Variants in LYPLAL1 observed in about 807,000 individuals in gnomAD.
The protein encoded by LYPLAL1 is lysophospholipase-like protein 1.
A neutral mutation model predicts 19.7 loss-of-function variants in LYPLAL1; 23 were observed. The ratio of observed to expected loss-of-function variants is 1.17; its 90% CI spans 0.84 to 1.65. The LOEUF (loss-of-function observed/expected upper bound fraction) is 1.65. Ranked by LOEUF, LYPLAL1 falls within the 40% of genes most tolerant of loss-of-function variation. The pLI is 0.00. For synonymous variants in LYPLAL1, 119 were observed against 96.3 expected, an observed-to-expected ratio of 1.24 and a Z score of -1.38; for missense variants, 355 against 279.4, an observed-to-expected ratio of 1.27 and a Z score of -1.93.
chr1:219,223,708 A>G, the LYPLAL1 span, among the ~76,000 whole-genome samples: 5 of 152,268 alleles, frequency 3.3e-5, no homozygotes, highest in East Asian at 1.9e-4. Flanking sequence ...GTTTTTGCCA[A>G]TAGTTTGGTT....
At chr1:219,249,881 C>A in the LYPLAL1 span, among the ~76,000 whole-genome samples, 70,640 of 151,712 alleles carry the variant, frequency 0.47, 16,814 homozygotes, top group East Asian at 0.66. Context: ...TTCCCATTTG[C>A]TTTTTGTTTG....
chr1:219,179,146 G>C lies in LYPLAL1; in HGVS notation c.92-1G>C, dbSNP rs776454725. Reference sequence around the variant, plus strand: ...TTAATCTAGATTTTTTGATTCATCAGGTGATTCTGGACAAGGATTAAGAAT... The same window carrying C: ...TTAATCTAGATTTTTTGATTCATCACGTGATTCTGGACAAGGATTAAGAAT... On this transcript the variant is annotated splice_acceptor_variant, in intron 1 of 4. Coordinates refer to ENST00000366928, the MANE Select transcript of LYPLAL1 (RefSeq NM_138794.5). LOFTEE classifies it high-confidence loss of function. 10 of 1,596,308 alleles carry C rather than the reference G, an allele frequency of 6.3e-6. No individual in the cohort carries two copies. The highest frequency in any genetic ancestry group is 8.5e-6 in the Non-Finnish European group (10 of 1,171,742).
the LYPLAL1 span, among the ~76,000 whole-genome samples, chr1:219,385,319 T>C: frequency 6.6e-6 from 1 of 152,288 alleles, no homozygotes; most frequent in Non-Finnish European, 1.5e-5. Context: ...GGCTGCTTCT[T>C]GCAGTTCCTC....
the LYPLAL1 span, among the ~76,000 whole-genome samples, chr1:219,361,433 T>C: frequency 6.6e-6 from 1 of 152,156 alleles, no homozygotes; most frequent in Non-Finnish European, 1.5e-5. Context: ...GGAACAGCTA[T>C]ATTTGCTAGG....
chr1:219,369,547 T>C, the LYPLAL1 span, among the ~76,000 whole-genome samples: 3 of 152,246 alleles, frequency 2.0e-5, no homozygotes, highest in Non-Finnish European at 4.4e-5. Context: ...GCTGGGATTA[T>C]GGGCGTGAGC....
the LYPLAL1 span, among the ~76,000 whole-genome samples, chr1:219,398,157 T>C: frequency 3.3e-5 from 5 of 152,210 alleles, no homozygotes; most frequent in Non-Finnish European, 7.3e-5. Flanking sequence ...TGCAAGTTGC[T>C]TATTCTCTCC....
chr1:219,412,530 A>T, the LYPLAL1 span, among the ~76,000 whole-genome samples: 114 of 152,354 alleles, frequency 7.5e-4, 1 homozygote, highest in Admixed American at 2.2e-3. Flanking sequence ...GCATAGCATG[A>T]TACCTGTCAC....
chr1:219,234,757 G>A, the LYPLAL1 span, among the ~76,000 whole-genome samples: 2 of 151,960 alleles, frequency 1.3e-5, no homozygotes, highest in Admixed American at 6.5e-5. Flanking sequence ...ATAACATAAC[G>A]TGATTGCTGA....
chr1:219,390,667 G>T, the LYPLAL1 span, among the ~76,000 whole-genome samples: 1 of 152,098 alleles, frequency 6.6e-6, no homozygotes, highest in African/African-American at 2.4e-5. Flanking sequence ...TTACATCTCT[G>T]CATATTTCCC....
the LYPLAL1 span, among the ~76,000 whole-genome samples, chr1:219,242,678 A>G: frequency 6.6e-6 from 1 of 151,792 alleles, no homozygotes; most frequent in Admixed American, 6.6e-5. Flanking sequence ...ATCTTGCTAT[A>G]AGAATTACTA....
chr1:219,345,606 T>C, the LYPLAL1 span, among the ~76,000 whole-genome samples: 1 of 152,192 alleles, frequency 6.6e-6, no homozygotes, highest in Non-Finnish European at 1.5e-5. Flanking sequence ...AGACTTTAAC[T>C]TGATGCCTGC....
the LYPLAL1 span, among the ~76,000 whole-genome samples, chr1:219,245,484 A>G: frequency 6.6e-6 from 1 of 152,244 alleles, no homozygotes; most frequent in Non-Finnish European, 1.5e-5. Flanking sequence ...TTGAAATAAG[A>G]ATGATAAATT....
At chr1:219,201,033 T>G (rs1169403787) in intron 3 of LYPLAL1, among the ~76,000 whole-genome samples, 1 of 152,108 alleles carries the variant, frequency 6.6e-6, no homozygotes, top group Non-Finnish European at 1.5e-5. Flanking sequence ...CAAATTCCTG[T>G]CACAAAAAAA....
At chr1:219,182,548 C>T (rs1409673972) in intron 2 of LYPLAL1, among the ~76,000 whole-genome samples, 1 of 151,960 alleles carries the variant, frequency 6.6e-6, no homozygotes, top group Non-Finnish European at 1.5e-5. Context: ...TACGTGCCTT[C>T]CTTAACTCTC....
chr1:219,197,041 G>C (rs1472189758), intron 3 of LYPLAL1, among the ~76,000 whole-genome samples: 1 of 152,124 alleles, frequency 6.6e-6, no homozygotes, highest in Non-Finnish European at 1.5e-5. Context: ...TCAATATCAT[G>C]AAAATGGCCA....
downstream of LYPLAL1, among the ~76,000 whole-genome samples, chr1:219,216,873 C>A (rs944046680): frequency 6.6e-6 from 1 of 152,108 alleles, no homozygotes; most frequent in African/African-American, 2.4e-5. Flanking sequence ...CATTTGTCTT[C>A]CTTTCTTAAG....
At chr1:219,332,709 A>G in the LYPLAL1 span, among the ~76,000 whole-genome samples, 1 of 148,644 alleles carries the variant, frequency 6.7e-6, no homozygotes, top group Admixed American at 6.8e-5. Flanking sequence ...ATGAGTTTGG[A>G]GAAGAGTTAG....
the LYPLAL1 span, among the ~76,000 whole-genome samples, chr1:219,372,831 G>T: frequency 2.5e-3 from 377 of 152,168 alleles, 4 homozygotes; most frequent in African/African-American, 8.7e-3. Flanking sequence ...CTGAGCCTGG[G>T]AGGTAGAGGC....
At chr1:219,261,510 G>A in the LYPLAL1 span, among the ~76,000 whole-genome samples, 1 of 152,166 alleles carries the variant, frequency 6.6e-6, no homozygotes, top group African/African-American at 2.4e-5. Flanking sequence ...GAAGAAAAAG[G>A]CAGAGGTGGT....
Sources: gnomAD v4.1 joint callset for allele counts (sites outside exome capture counted in the v4.1 genomes callset) on GRCh38, gnomAD v4.1.1 for gene constraint, MANE v1.5 for transcripts, NCBI Gene and HGNC (gene_info 2026-07-23, HGNC 2026-07-21) for gene names.